FBXW7: variants seen among roughly 807,000 people sequenced by gnomAD.
The protein encoded by FBXW7 is F-box/WD repeat-containing protein 7.
A neutral mutation model predicts 86.3 loss-of-function variants in FBXW7; 11 were observed. The ratio of observed to expected loss-of-function variants is 0.13; its 90% CI spans 0.08 to 0.21. The LOEUF is 0.21. Among genes scored for constraint, FBXW7 ranks in the 10% least tolerant of loss-of-function variants. The pLI is 1.00. For missense variants in FBXW7, 488 were observed against 847.4 expected, an observed-to-expected ratio of 0.58 and a Z score of 5.27; for synonymous variants, 313 against 297.9, an observed-to-expected ratio of 1.05 and a Z score of -0.52.
intron 4 of FBXW7, among the ~76,000 whole-genome samples, chr4:152,361,677 G>A (rs1334614022): frequency 6.6e-6 from 1 of 152,082 alleles, no homozygotes; most frequent in Non-Finnish European, 1.5e-5. Context: ...ACCTCCAAAT[G>A]TTTGAAAACT....
intron 2 of FBXW7, among the ~76,000 whole-genome samples, chr4:152,426,147 A>G (rs74988923): frequency 0.026 from 4,026 of 152,272 alleles, 78 homozygotes; most frequent in Non-Finnish European, 0.04. Flanking sequence ...GAAGCAATAT[A>G]AACTCAATCA....
At chr4:152,374,691 T>C (rs1476692389) in intron 4 of FBXW7, among the ~76,000 whole-genome samples, 1 of 152,118 alleles carries the variant, frequency 6.6e-6, no homozygotes, top group African/African-American at 2.4e-5. Context: ...AAAGTTGTCA[T>C]ATAACATCAT....
chr4:152,390,650 A>T (rs1338249020), intron 4 of FBXW7, among the ~76,000 whole-genome samples: 2 of 152,136 alleles, frequency 1.3e-5, no homozygotes, highest in Non-Finnish European at 2.9e-5. Flanking sequence ...CTTTAATGTC[A>T]GTACTTAAGT....
At chr4:152,399,825 A>T (rs1736754324) in intron 4 of FBXW7, among the ~76,000 whole-genome samples, 1 of 152,200 alleles carries the variant, frequency 6.6e-6, no homozygotes, top group African/African-American at 2.4e-5. Context: ...ATAAATGGAG[A>T]TATATTCCAT....
At chr4:152,529,051 C>CT (rs905674419) in intron 2 of FBXW7, among the ~76,000 whole-genome samples, 4 of 152,034 alleles carry the variant, frequency 2.6e-5, no homozygotes, top group African/African-American at 9.7e-5. Flanking sequence ...CTTTACTCAT[C>CT]TTTTTGTAAT....
At chr4:152,354,253 AAATT>A (rs1732142865) in intron 4 of FBXW7, among the ~76,000 whole-genome samples, 1 of 152,060 alleles carries the variant, frequency 6.6e-6, no homozygotes. Context: ...CCTGGCTCTT[AAATT>A]AATTCTTACC....
At chr4:152,508,766 G>A (rs1229768085) in intron 2 of FBXW7, among the ~76,000 whole-genome samples, 1 of 151,354 alleles carries the variant, frequency 6.6e-6, no homozygotes, top group Non-Finnish European at 1.5e-5. Flanking sequence ...CTTCCCATAG[G>A]ATACTTTTTT....
At chr4:152,524,112 T>C (rs1343615083) in intron 2 of FBXW7, among the ~76,000 whole-genome samples, 1 of 152,234 alleles carries the variant, frequency 6.6e-6, no homozygotes, top group Non-Finnish European at 1.5e-5. Flanking sequence ...GCAGACACTG[T>C]GCTAAAGGCT....
At chr4:152,512,490 A>T (rs1194255717) in intron 2 of FBXW7, among the ~76,000 whole-genome samples, 7 of 152,194 alleles carry the variant, frequency 4.6e-5, no homozygotes, top group African/African-American at 1.7e-4. Context: ...AGCAGAAACA[A>T]CCCCAAAGTC....
At chr4:152,422,568 A>G (rs916971349) in intron 2 of FBXW7, among the ~76,000 whole-genome samples, 1 of 152,242 alleles carries the variant, frequency 6.6e-6, no homozygotes, top group Admixed American at 6.5e-5. Context: ...GGGAGTTTAT[A>G]TTAGATTAGC....
At chr4:152,400,095 A>G (rs1736780781) in intron 4 of FBXW7, among the ~76,000 whole-genome samples, 1 of 152,242 alleles carries the variant, frequency 6.6e-6, no homozygotes, top group Non-Finnish European at 1.5e-5. Flanking sequence ...TATTGGTGAA[A>G]GAATTAAAAG....
intron 2 of FBXW7, among the ~76,000 whole-genome samples, chr4:152,466,254 C>A (rs1315127459): frequency 6.6e-6 from 1 of 152,078 alleles, no homozygotes; most frequent in Non-Finnish European, 1.5e-5. Context: ...TAAATTGGTA[C>A]CTTAAAAATT....
At chr4:152,403,649 T>G (rs1045213447) in intron 4 of FBXW7, among the ~76,000 whole-genome samples, 3 of 152,036 alleles carry the variant, frequency 2.0e-5, no homozygotes, top group Non-Finnish European at 4.4e-5. Flanking sequence ...GGAAGGAGCA[T>G]ACAACCTAGA....
chr4:152,370,942 T>TA (rs890076944), intron 4 of FBXW7, among the ~76,000 whole-genome samples: 2 of 151,796 alleles, frequency 1.3e-5, no homozygotes, highest in East Asian at 1.9e-4. Context: ...GATATTGACT[T>TA]AAAAAAACCC....
intron 4 of FBXW7, among the ~76,000 whole-genome samples, chr4:152,409,789 T>C (rs1353880736): frequency 1.3e-5 from 2 of 151,618 alleles, no homozygotes; most frequent in African/African-American, 4.9e-5. Flanking sequence ...TACATGTGTA[T>C]ATACATAAAT....
chr4:152,480,505 T>A (rs908458487), intron 2 of FBXW7, among the ~76,000 whole-genome samples: 1 of 152,104 alleles, frequency 6.6e-6, no homozygotes, highest in Non-Finnish European at 1.5e-5. Context: ...GAGTCACACA[T>A]TACTCACTTT....
chr4:152,488,718 TCTC>T (rs1403415858), intron 2 of FBXW7, among the ~76,000 whole-genome samples: 2 of 152,126 alleles, frequency 1.3e-5, no homozygotes, highest in Non-Finnish European at 2.9e-5. Context: ...AATTAATTAT[TCTC>T]TTGTGTTTTC....
rs948676807 is a variant in FBXW7 at position 152,520,162 on chromosome 4, G to A, written c.-120+14779C>T. ...AAATCAATCATTACCGGCCGGGCGC[G>A]GTGGCTCACGCCTGTAATCCCAGCA... On this transcript the variant is annotated intron_variant, in intron 2 of 13. Transcript: ENST00000281708. 3.9e-5 allele frequency among the ~76,000 whole-genome samples: 6 copies of A among 152,252 alleles called. No individual in the cohort carries two copies. In the South Asian group the frequency reaches 1.2e-3, roughly 32 times the overall value.
intron 2 of FBXW7, among the ~76,000 whole-genome samples, chr4:152,521,806 C>A (rs1192173464): frequency 6.9e-6 from 1 of 144,794 alleles, no homozygotes; most frequent in Non-Finnish European, 1.5e-5. Context: ...TGGTAAGGGT[C>A]CAATTTTTTT....
Sources: allele counts gnomAD v4.1 joint callset (sites outside exome capture counted in the v4.1 genomes callset), GRCh38; gene constraint gnomAD v4.1.1; transcripts MANE v1.5; gene names NCBI Gene and HGNC (gene_info 2026-07-23, HGNC 2026-07-21).